PPARGC1A: variants seen among roughly 807,000 people sequenced by gnomAD.
The protein encoded by PPARGC1A is peroxisome proliferator-activated receptor gamma coactivator 1-alpha.
PPARGC1A carries 25 observed loss-of-function variants against 88.7 expected under a neutral mutation model. The ratio of observed to expected loss-of-function variants is 0.28; its 90% CI spans 0.21 to 0.39. The LOEUF (loss-of-function observed/expected upper bound fraction) is 0.39. PPARGC1A is among the 10% of genes least tolerant of loss of function. The pLI, the probability that PPARGC1A is intolerant of heterozygous loss-of-function variation, is 1.00. For missense variants in PPARGC1A, 880 were observed against 968.7 expected (o/e 0.91, Z 1.22); for synonymous variants, 363 against 355.6 (o/e 1.02, Z -0.24).
chr4:24,279,618 C>T, the PPARGC1A span, among the ~76,000 whole-genome samples: 1 of 152,124 alleles, frequency 6.6e-6, no homozygotes, highest in East Asian at 1.9e-4. Context: ...CGCGTTGATT[C>T]ACACATGGTC....
chr4:23,808,436 A>G (rs1481018086), intron 10 of PPARGC1A, among the ~76,000 whole-genome samples: 1 of 152,124 alleles, frequency 6.6e-6, no homozygotes, highest in Non-Finnish European at 1.5e-5. Context: ...GCTGAGCCAT[A>G]TCACAATGTC....
chr4:24,136,639 C>A, the PPARGC1A span, among the ~76,000 whole-genome samples: 1 of 152,142 alleles, frequency 6.6e-6, no homozygotes, highest in Non-Finnish European at 1.5e-5. Context: ...CTCTCCCTCG[C>A]TCTGTGGAAT....
the PPARGC1A span, among the ~76,000 whole-genome samples, chr4:24,385,517 G>A: frequency 1.3e-5 from 2 of 152,084 alleles, no homozygotes; most frequent in Non-Finnish European, 2.9e-5. Flanking sequence ...AAGAAGAAAA[G>A]AGAGAAGACT....
chr4:24,245,033 AAG>A, the PPARGC1A span, among the ~76,000 whole-genome samples: 3 of 152,222 alleles, frequency 2.0e-5, no homozygotes, highest in African/African-American at 4.8e-5. Context: ...AAAGAAAAAA[AAG>A]AGGAAGAGAG....
At chr4:24,264,475 C>A in the PPARGC1A span, among the ~76,000 whole-genome samples, 2 of 152,348 alleles carry the variant, frequency 1.3e-5, no homozygotes, top group African/African-American at 4.8e-5. Context: ...AGGGCATGAG[C>A]TTTGGAAGCA....
the PPARGC1A span, among the ~76,000 whole-genome samples, chr4:23,938,947 G>A: frequency 6.6e-6 from 1 of 152,182 alleles, no homozygotes; most frequent in Non-Finnish European, 1.5e-5. Flanking sequence ...CTCCCTTGGT[G>A]TCAGGGAGAA....
At chr4:24,156,733 TCTC>T in the PPARGC1A span, among the ~76,000 whole-genome samples, 3 of 145,856 alleles carry the variant, frequency 2.1e-5, no homozygotes, top group Non-Finnish European at 4.5e-5. Context: ...CTTTTCTCTC[TCTC>T]TTTTTTTTTT....
chr4:24,290,609 C>T, the PPARGC1A span, among the ~76,000 whole-genome samples: 2 of 152,162 alleles, frequency 1.3e-5, no homozygotes, highest in Admixed American at 1.3e-4. Context: ...TCCTTGAATG[C>T]CCACTCACTC....
intron 2 of PPARGC1A, among the ~76,000 whole-genome samples, chr4:23,872,456 G>T (rs1024697580): frequency 6.6e-6 from 1 of 152,168 alleles, no homozygotes; most frequent in African/African-American, 2.4e-5. Context: ...GGGGCAGTGG[G>T]ACAGATCTTG....
the PPARGC1A span, among the ~76,000 whole-genome samples, chr4:24,146,637 C>A: frequency 6.6e-6 from 1 of 152,228 alleles, no homozygotes; most frequent in Admixed American, 6.5e-5. Flanking sequence ...AGCAGACAAG[C>A]TGCATGCTGC....
At chr4:23,897,766 C>T (rs1718781206) in intron 1 of PPARGC1A, among the ~76,000 whole-genome samples, 1 of 152,198 alleles carries the variant, frequency 6.6e-6, no homozygotes, top group South Asian at 2.1e-4. Flanking sequence ...CTTTCAACCA[C>T]AGGTATTGGC....
chr4:24,442,342 C>A, the PPARGC1A span, among the ~76,000 whole-genome samples: 21,705 of 151,970 alleles, frequency 0.14, 2,020 homozygotes, highest in East Asian at 0.22. Context: ...AATCTAAAAC[C>A]TTTAGCAGTA....
the PPARGC1A span, among the ~76,000 whole-genome samples, chr4:24,090,679 G>C: frequency 6.6e-6 from 1 of 152,094 alleles, no homozygotes; most frequent in South Asian, 2.1e-4. Flanking sequence ...CAGAAAAAAA[G>C]CTCTGGCATC....
At chr4:24,174,489 T>C in the PPARGC1A span, among the ~76,000 whole-genome samples, 5 of 152,198 alleles carry the variant, frequency 3.3e-5, no homozygotes, top group Non-Finnish European at 4.4e-5. Flanking sequence ...GGATTTACTA[T>C]AGATTTGGTT....
chr4:24,115,121 G>T, the PPARGC1A span, among the ~76,000 whole-genome samples: 7 of 152,102 alleles, frequency 4.6e-5, no homozygotes, highest in African/African-American at 1.4e-4. Context: ...ATGAGACTTT[G>T]TCTTGCCCAT....
At chr4:23,834,189 A>G (rs1350962233) in intron 2 of PPARGC1A, among the ~76,000 whole-genome samples, 1 of 152,156 alleles carries the variant, frequency 6.6e-6, no homozygotes, top group Non-Finnish European at 1.5e-5. Context: ...AGTCCCAGCT[A>G]CACGGGAGGC....
the PPARGC1A span, among the ~76,000 whole-genome samples, chr4:24,232,634 A>G: frequency 2.6e-5 from 4 of 152,184 alleles, no homozygotes; most frequent in Non-Finnish European, 2.9e-5. Context: ...ACATAAATAT[A>G]CTTTTTAAAA....
chr4:23,927,403 T>C, the PPARGC1A span, among the ~76,000 whole-genome samples: 261 of 152,322 alleles, frequency 1.7e-3, no homozygotes, highest in Non-Finnish European at 3.1e-3. Flanking sequence ...GCCTCCTATA[T>C]ATTTATTTCT....
chr4:24,357,492 T>C, the PPARGC1A span, among the ~76,000 whole-genome samples: 1 of 152,266 alleles, frequency 6.6e-6, no homozygotes, highest in African/African-American at 2.4e-5. Context: ...CCTGCCTGTT[T>C]TGCTTCTAGC....
Sources: allele counts gnomAD v4.1 joint callset (sites outside exome capture counted in the v4.1 genomes callset), GRCh38; gene constraint gnomAD v4.1.1; transcripts MANE v1.5; gene names NCBI Gene and HGNC (gene_info 2026-07-23, HGNC 2026-07-21).